Variants in AFG2A observed in about 807,000 individuals in gnomAD.
The protein encoded by AFG2A is ATPase family gene 2 protein homolog A.
the AFG2A span, among the ~76,000 whole-genome samples, chr4:123,236,358 G>C: frequency 6.6e-6 from 1 of 152,272 alleles, no homozygotes; most frequent in Admixed American, 6.5e-5. Flanking sequence ...GGCTTCAAAA[G>C]TCATTGGTGC....
At chr4:122,975,195 C>G in the AFG2A span, among the ~76,000 whole-genome samples, 2 of 152,176 alleles carry the variant, frequency 1.3e-5, no homozygotes, top group Non-Finnish European at 2.9e-5. Flanking sequence ...GGTTTGGGCT[C>G]AGTCTCTTTG....
chr4:123,004,345 A>G, the AFG2A span, among the ~76,000 whole-genome samples: 1 of 152,156 alleles, frequency 6.6e-6, no homozygotes, highest in Non-Finnish European at 1.5e-5. Flanking sequence ...GGCACTCCCT[A>G]GTGAGATGAA....
chr4:123,234,220 A>G, the AFG2A span, among the ~76,000 whole-genome samples: 1 of 152,148 alleles, frequency 6.6e-6, no homozygotes, highest in Non-Finnish European at 1.5e-5. Flanking sequence ...GTATGGAATA[A>G]TGGAATATAC....
chr4:123,237,321 G>A, the AFG2A span, among the ~76,000 whole-genome samples: 1 of 152,166 alleles, frequency 6.6e-6, no homozygotes, highest in South Asian at 2.1e-4. Context: ...GGTGCTGTTA[G>A]ACTGTGTTCT....
chr4:123,213,860 A>G, the AFG2A span, among the ~76,000 whole-genome samples: 1 of 152,164 alleles, frequency 6.6e-6, no homozygotes, highest in Admixed American at 6.6e-5. Context: ...TGACTAGACT[A>G]TTTTTGCAGA....
chr4:123,305,531 C>T, the AFG2A span, among the ~76,000 whole-genome samples: 1 of 152,176 alleles, frequency 6.6e-6, no homozygotes, highest in African/African-American at 2.4e-5. Context: ...TGTCAACGCA[C>T]CAGAAAAGCC....
chr4:123,022,666 C>T, the AFG2A span, among the ~76,000 whole-genome samples: 23,868 of 148,774 alleles, frequency 0.16, 2,260 homozygotes, highest in East Asian at 0.44. Context: ...ACCATTTGAC[C>T]CAGCCATCCC....
chr4:122,934,508 A>C, the AFG2A span: 1 of 1,614,234 alleles, frequency 6.2e-7, no homozygotes, highest in East Asian at 2.2e-5. Context: ...CTTACTGAAG[A>C]AGAGAGACTG....
the AFG2A span, among the ~76,000 whole-genome samples, chr4:123,187,933 G>A: frequency 6.6e-6 from 1 of 151,220 alleles, no homozygotes; most frequent in Non-Finnish European, 1.5e-5. Context: ...GGGAGGTTGA[G>A]GCTGCAGTGA....
At chr4:123,065,013 C>T in the AFG2A span, among the ~76,000 whole-genome samples, 1 of 152,156 alleles carries the variant, frequency 6.6e-6, no homozygotes, top group African/African-American at 2.4e-5. Context: ...GCATGCATCA[C>T]TAATAACAGA....
the AFG2A span, among the ~76,000 whole-genome samples, chr4:123,197,967 C>T: frequency 2.0e-5 from 3 of 151,636 alleles, no homozygotes; most frequent in Non-Finnish European, 2.9e-5. Context: ...CATCATGGTG[C>T]ATTAAGAGCA....
chr4:123,287,694 A>G, the AFG2A span, among the ~76,000 whole-genome samples: 42 of 152,336 alleles, frequency 2.8e-4, no homozygotes, highest in Non-Finnish European at 5.3e-4. Flanking sequence ...ATTAGCAACG[A>G]AAATAAAGAA....
At chr4:123,110,380 A>G in the AFG2A span, among the ~76,000 whole-genome samples, 3 of 152,270 alleles carry the variant, frequency 2.0e-5, no homozygotes, top group Non-Finnish European at 4.4e-5. Context: ...CTAAACCTGT[A>G]TTCTGGCAGA....
At chr4:122,932,681 C>A in the AFG2A span, among the ~76,000 whole-genome samples, 124 of 152,288 alleles carry the variant, frequency 8.1e-4, 1 homozygote, top group African/African-American at 2.7e-3. Context: ...TAGGTGTGTT[C>A]ACTTCCTGCA....
At chr4:123,244,085 TA>T in the AFG2A span, among the ~76,000 whole-genome samples, 3,226 of 150,522 alleles carry the variant, frequency 0.021, 61 homozygotes, top group Non-Finnish European at 0.035. Flanking sequence ...TAGGTAAGAT[TA>T]AAAAAAAAGA....
the AFG2A span, among the ~76,000 whole-genome samples, chr4:123,213,345 A>G: frequency 6.6e-6 from 1 of 152,148 alleles, no homozygotes; most frequent in East Asian, 1.9e-4. Context: ...TCATGGAAAC[A>G]CACACAAGCA....
the AFG2A span, among the ~76,000 whole-genome samples, chr4:123,011,459 CA>C: frequency 3.9e-5 from 6 of 152,158 alleles, no homozygotes; most frequent in Non-Finnish European, 8.8e-5. Context: ...TACACTTTTA[CA>C]TATTGGTTTC....
the AFG2A span, among the ~76,000 whole-genome samples, chr4:123,080,227 G>A: frequency 1.3e-5 from 2 of 152,334 alleles, no homozygotes; most frequent in African/African-American, 4.8e-5. Context: ...CACATGATGG[G>A]ATTAGTGCCT....
the AFG2A span, among the ~76,000 whole-genome samples, chr4:123,023,436 T>C: frequency 1.1e-4 from 16 of 152,294 alleles, no homozygotes; most frequent in Non-Finnish European, 1.9e-4. Flanking sequence ...GATTGGAGAT[T>C]CCTAAATTGA....
Sources: allele counts gnomAD v4.1 joint callset (sites outside exome capture counted in the v4.1 genomes callset), GRCh38; gene constraint gnomAD v4.1.1; transcripts MANE v1.5; gene names NCBI Gene and HGNC (gene_info 2026-07-23, HGNC 2026-07-21).